APEH: variants seen among roughly 807,000 people sequenced by gnomAD.
The protein encoded by APEH is acylaminoacyl-peptide hydrolase, also known as acylamino-acid-releasing enzyme.
A neutral mutation model predicts 102.7 loss-of-function variants in APEH; 75 were observed. The observed-to-expected ratio is 0.73, with a 90% CI of 0.61 to 0.89. APEH has a LOEUF of 0.89. Among genes scored for constraint, APEH ranks in the 40% least tolerant of loss-of-function variants. APEH has a pLI of 0.00. For missense variants in APEH, 863 were observed against 941.2 expected, an observed-to-expected ratio of 0.92 and a Z score of 1.09; for synonymous variants, 344 against 362.7, an observed-to-expected ratio of 0.95 and a Z score of 0.59.
At position 49,683,286 on chromosome 3, in the gene APEH, G is replaced by A; in HGVS notation, c.2143G>A (p.Glu715Lys). The A allele has an allele frequency of 6.2e-7, 1 of 1,614,044 alleles. No homozygotes were observed. Among genetic ancestry groups the A allele is most frequent in the Non-Finnish European group, 8.5e-7 (1 of 1,180,022 alleles). ...CCACGCATTATCAGAGGTGGAGGTG[G>A]AGTCAGACAGCTTCATGAATGCTGT... Reference protein sequence around the residue: ...STHALSEVEVESDSFMNAVLW... With the variant: ...STHALSEVEVKSDSFMNAVLW... The change falls in exon 22 of 22, where the codon GAG becomes AAG. Residue 715 changes from glutamate to lysine, a missense_variant. Physicochemically the swap from Glu to Lys is moderately conservative, Grantham distance 56. Transcript: ENST00000296456.
Position 49,676,179 on chromosome 3 carries a change from A to G in APEH, c.566A>G (p.Asp189Gly). The G allele has an allele frequency of 6.2e-7, 1 of 1,614,134 alleles. No homozygotes were observed. The highest frequency in any genetic ancestry group is 8.5e-7 in the Non-Finnish European group (1 of 1,180,026). The change falls in exon 6 of 22, where the codon GAT becomes GGT. Residue 189 changes from aspartate to glycine, a missense_variant. Coordinates refer to ENST00000296456, the MANE Select transcript of APEH (RefSeq NM_001640.4). ...TKALDVSASD[D>G]EIARLKKPDQ... ...GCCTTGGACGTCAGTGCCAGCGATG[A>G]TGAGATAGCCAGGCTGAAGAAGCCA...
Position 49,681,906 on chromosome 3 carries a change from T to G in APEH, c.1542T>G (p.Phe514Leu). ...CTGCAGGGGGGCCCCATTCATCCTT[T>G]GTCACTGCCTGGATGCTGTTCCCAG... ...VMPHGGPHSS[F>L]VTAWMLFPAM... The change falls in exon 17 of 22, where the codon TTT becomes TTG. Residue 514 changes from phenylalanine (F) to leucine (L), a missense_variant. Physicochemically the swap from Phe to Leu is conservative, Grantham distance 22 (BLOSUM62 0). Transcript: ENST00000296456. The G allele has an allele frequency of 6.2e-7, 1 of 1,614,196 alleles. No homozygotes were observed. Among genetic ancestry groups the G allele is most frequent in the Non-Finnish European group, 8.5e-7 (1 of 1,180,024 alleles).
rs2053063781 is a variant in APEH, at chr3:49,676,557, C to T, written c.744+42C>T. 3.1e-6 allele frequency: 5 copies of T among 1,614,256 alleles called. No individual in the cohort carries two copies. In the South Asian group the frequency reaches 3.3e-5, roughly 11 times the overall value. The stretch of plus-strand genomic sequence containing the variant: ...TGTGTCCCCCCTGGAGTCTGGGACC[C>T]TTCTTGAGCTACCACCCCTTGCTCA... On this transcript the variant is annotated intron_variant, in intron 7 of 21. Transcript: ENST00000296456.
At chr3:49,674,120 C>T (rs945546096), upstream of APEH, 13 of 519,490 alleles carry the variant, frequency 2.5e-5, no homozygotes, top group African/African-American at 1.8e-4. Context: ...GGTAAGAGGC[C>T]CAGGACTCAG....
chr3:49,677,684 C>G (rs775002518), intron 11 of APEH, 51 bp downstream of exon 11: 1 of 1,524,428 alleles, frequency 6.6e-7, no homozygotes, highest in Non-Finnish European at 9.1e-7. Flanking sequence ...GCTCTGCTTT[C>G]CTGCCGTCTG....
Position 49,683,445 on chromosome 3 carries a change from C to T in APEH, c.*103C>T. 2 of 976,796 alleles carry T rather than the reference C, an allele frequency of 2.0e-6. No individual in the cohort carries two copies. Among genetic ancestry groups the T allele is most frequent in the Non-Finnish European group, 3.3e-6 (2 of 612,680 alleles). 60.5% of individuals were successfully genotyped at this position (976,796 alleles called of 1,614,324 possible). ...CAGGAGGCTTTCTGGGCTCTGGACT[C>T]CACGGATGCGTGGGCAGAGGAATGT... On this transcript the variant is annotated 3_prime_UTR_variant, in exon 22 of 22. Transcript: ENST00000296456.
chr3:49,683,449 G>A lies in APEH; in HGVS notation c.*107G>A, dbSNP rs1039270008. ...AGGCTTTCTGGGCTCTGGACTCCACGGATGCGTGGGCAGAGGAATGTGGGC... is the reference window on the plus strand; with the variant it reads ...AGGCTTTCTGGGCTCTGGACTCCACAGATGCGTGGGCAGAGGAATGTGGGC... On this transcript the variant is annotated 3_prime_UTR_variant, in exon 22 of 22. Coordinates refer to ENST00000296456, the MANE Select transcript of APEH (RefSeq NM_001640.4). The A allele has an allele frequency of 7.6e-6, 7 of 919,486 alleles. No individual in the cohort carries two copies. The highest frequency in any genetic ancestry group is 4.9e-5 in the East Asian group (2 of 41,000). The allele number at this position is 919,486 out of a possible 1,614,324, so 57.0% of individuals were successfully genotyped here. A position where few individuals can be genotyped will look rare whatever the true frequency, so the allele number is the denominator to read the frequency against.
intron 10 of APEH, among the ~76,000 whole-genome samples, chr3:49,677,225 T>C (rs2053101719): frequency 6.6e-6 from 1 of 152,198 alleles, no homozygotes; most frequent in Admixed American, 6.5e-5. Context: ...CTTTGCACTG[T>C]TGGGGCATTC....
chr3:49,682,990 A>G (rs2053420266), intron 20 of APEH, 45 bp downstream of exon 20: 1 of 1,611,252 alleles, frequency 6.2e-7, no homozygotes, highest in Non-Finnish European at 8.5e-7. Flanking sequence ...ATCCATCCAG[A>G]ATCCAGGGCC....
chr3:49,674,294 C>T (rs1365050233), upstream of APEH: 9 of 1,388,870 alleles, frequency 6.5e-6, no homozygotes, highest in African/African-American at 2.9e-5. Flanking sequence ...CACAGATTGC[C>T]GCAGGGCAGG....
Position 49,683,420 on chromosome 3 carries a change from CAGG to C in APEH, c.*82_*84del, listed in dbSNP as rs2053448180. 6.8e-6 allele frequency: 9 copies of C among 1,316,492 alleles called. No homozygotes were observed. In the South Asian group the frequency reaches 1.1e-4, roughly 16 times the overall value. 81.6% of individuals were successfully genotyped at this position (1,316,492 alleles called of 1,614,324 possible). Reference sequence around the variant, plus strand: ...GGAGCTCAACGGTCTGGCAGGGCAGCAGGAGGCTTTCTGGGCTCTGGACTCCAC... The same window carrying C: ...GGAGCTCAACGGTCTGGCAGGGCAGCAGGCTTTCTGGGCTCTGGACTCCAC... On this transcript the variant is annotated 3_prime_UTR_variant, in exon 22 of 22. Coordinates refer to ENST00000296456, the MANE Select transcript of APEH (RefSeq NM_001640.4).
At chr3:49,674,283 T>G, upstream of APEH, 1 of 1,337,614 alleles carries the variant, frequency 7.5e-7, no homozygotes, top group Non-Finnish European at 1.0e-6. Flanking sequence ...GCCCCGCCCC[T>G]CACAGATTGC....
Position 49,675,917 on chromosome 3 carries a change from G to T in APEH, c.393G>T (p.Lys131Asn). The change falls in exon 5 of 22, where the codon AAG (lysine) becomes AAT (asparagine). Residue 131 changes from lysine (K) to asparagine (N), a missense_variant. Transcript: ENST00000296456. ...LEVWEKNRKL[K>N]SFNLSALEKH... ...TCTGGGAGAAGAACCGGAAGCTCAAGAGCTTCAACCTGTCAGCGCTGGAGA... is the reference window on the plus strand; with the variant it reads ...TCTGGGAGAAGAACCGGAAGCTCAATAGCTTCAACCTGTCAGCGCTGGAGA... 2 of 1,614,170 alleles carry T rather than the reference G, an allele frequency of 1.2e-6. No homozygotes were observed. The highest frequency in any genetic ancestry group is 1.7e-6 in the Non-Finnish European group (2 of 1,180,024).
chr3:49,679,101 C>T lies in APEH; in HGVS notation c.1158+152C>T, dbSNP rs962349399. On this transcript the variant is annotated intron_variant, in intron 12 of 21. Transcript: ENST00000296456. This position sits in a 1 kb window ranked among gnomAD's most constrained non-coding sequence, Gnocchi z 4.3. The stretch of plus-strand genomic sequence containing the variant: ...GCCTGCCCATCCTGGACTCATTTCT[C>T]CTGGAGGGGACTGGCTGCCCTGGTG... The T allele has an allele frequency of 3.1e-6, 2 of 654,370 alleles. No homozygotes were observed. The highest frequency in any genetic ancestry group is 2.9e-5 in the Admixed American group (1 of 34,608). 40.5% of individuals were successfully genotyped at this position (654,370 alleles called of 1,614,324 possible).
Position 49,679,997 on chromosome 3 carries a change from G to A in APEH, c.1210+353G>A. On this transcript the variant is annotated intron_variant, in intron 13 of 21. Transcript: ENST00000296456. The surrounding 1 kb of genome is among the most constrained non-coding windows in gnomAD (Gnocchi z 4.3). ...CTCGCTCTGCAAACCTTGGGTGCCT[G>A]TCTCAGGCAGAGGCAGCTCTGCCAC... The A allele has an allele frequency of 3.9e-6, 1 of 256,654 alleles. No homozygotes were observed. Among genetic ancestry groups the A allele is most frequent in the Non-Finnish European group, 7.8e-6 (1 of 127,480 alleles). The allele number at this position is 256,654 out of a possible 1,614,324, so 15.9% of individuals were successfully genotyped here.
At chr3:49,674,455 G>T (rs2052921890) in intron 1 of APEH, 34 bp from the exon 2 acceptor site, 1 of 1,570,000 alleles carries the variant, frequency 6.4e-7, no homozygotes, top group Non-Finnish European at 8.6e-7. Context: ...CTGCAGCCCG[G>T]GCCGGGCCTG....
rs2053119965 is a variant in APEH, at chr3:49,677,582, T to C, written c.1009T>C (p.Tyr337His). ...QCSQLCLYDWYTKVTSVVVDV... is the reference protein window; with the variant it reads ...QCSQLCLYDWHTKVTSVVVDV... ...TTGTGTTCTCTTGCAGTATGACTGG[T>C]ATACCAAGGTTACCTCAGTGGTGGT... The change falls in exon 11 of 22, where the codon TAT (tyrosine) becomes CAT (histidine). Residue 337 changes from tyrosine to histidine, a missense_variant. Coordinates refer to ENST00000296456, the MANE Select transcript of APEH (RefSeq NM_001640.4). 6.2e-7 allele frequency: 1 copy of C among 1,613,664 alleles called. No homozygotes were observed. The highest frequency in any genetic ancestry group is 8.5e-7 in the Non-Finnish European group (1 of 1,179,708).
Position 49,683,812 on chromosome 3 carries a change from G to T in APEH, c.*470G>T. On this transcript the variant is annotated 3_prime_UTR_variant, in exon 22 of 22. Transcript: ENST00000296456. ...GCACCCATGGGCAAAAGTAGTCCCAGGGACATTGCCTTGGTTGGGGAAGCC... is the reference window on the plus strand; with the variant it reads ...GCACCCATGGGCAAAAGTAGTCCCATGGACATTGCCTTGGTTGGGGAAGCC... 1 of 667,930 alleles carries T rather than the reference G, an allele frequency of 1.5e-6. No homozygotes were observed. The highest frequency in any genetic ancestry group is 2.5e-6 in the Non-Finnish European group (1 of 402,048). The allele number at this position is 667,930 out of a possible 1,614,324, so 41.4% of individuals were successfully genotyped here. A position where few individuals can be genotyped will look rare whatever the true frequency, so the allele number is the denominator to read the frequency against.
chr3:49,678,979 GCCCCTGTGGTCAACCCCCAGGA>G, intron 12 of APEH, 30 bp downstream of exon 12: 1 of 1,588,096 alleles, frequency 6.3e-7, no homozygotes, highest in South Asian at 1.1e-5. Flanking sequence ...TTGAGGGGCA[GCCCCTGTGGTCAACCCCCAGGA>G]GCCCTGGGGG....
Sources: allele counts gnomAD v4.1 joint callset (sites outside exome capture counted in the v4.1 genomes callset), GRCh38; gene constraint gnomAD v4.1.1; non-coding constraint Gnocchi (gnomAD v3.1); transcripts MANE v1.5; gene names NCBI Gene and HGNC (gene_info 2026-07-23, HGNC 2026-07-21).